Variants in UNC13C observed in about 807,000 individuals in gnomAD.
UNC13C encodes the protein unc-13 homolog C.
Under a neutral mutation model 245.4 loss-of-function variants are expected in UNC13C, and 174 were observed. The observed-to-expected ratio is 0.71, with a 90% CI of 0.63 to 0.80. The LOEUF (loss-of-function observed/expected upper bound fraction) is 0.80. Ranked by LOEUF, UNC13C falls within the 30% of genes least tolerant of loss-of-function variation. The pLI is 0.00. For synonymous variants in UNC13C, 992 were observed against 895.1 expected (o/e 1.11, Z -1.93); for missense variants, 2,829 against 2,602.9 (o/e 1.09, Z -1.89).
At chr15:54,334,207 G>A (rs1016222117) in intron 16 of UNC13C, among the ~76,000 whole-genome samples, 2 of 152,010 alleles carry the variant, frequency 1.3e-5, no homozygotes, top group South Asian at 2.1e-4. Context: ...ATGTTTTGCC[G>A]ACTTTTTTGC....
At chr15:53,983,898 A>G (rs557406681) in intron 1 of UNC13C, among the ~76,000 whole-genome samples, 2 of 151,896 alleles carry the variant, frequency 1.3e-5, no homozygotes, top group South Asian at 4.2e-4. Context: ...ATCCTTTCTC[A>G]TGGTTCATAT....
chr15:53,904,751 T>A, the UNC13C span, among the ~76,000 whole-genome samples: 1 of 152,302 alleles, frequency 6.6e-6, no homozygotes, highest in African/African-American at 2.4e-5. Context: ...GGCATGAGCA[T>A]ACATTTTGGA....
chr15:54,215,587 A>G (rs62010023), intron 4 of UNC13C, among the ~76,000 whole-genome samples: 35,995 of 151,978 alleles, frequency 0.24, 4,882 homozygotes, highest in East Asian at 0.39. Flanking sequence ...ACAAGAAAAG[A>G]GAAAGTAATT....
At chr15:54,434,116 A>G (rs1246394997) in intron 19 of UNC13C, among the ~76,000 whole-genome samples, 1 of 152,184 alleles carries the variant, frequency 6.6e-6, no homozygotes, top group East Asian at 1.9e-4. Flanking sequence ...TTTCATGCTC[A>G]TGGATACAAA....
chr15:54,406,287 A>T (rs1381796527), intron 18 of UNC13C, among the ~76,000 whole-genome samples: 1 of 152,170 alleles, frequency 6.6e-6, no homozygotes, highest in Non-Finnish European at 1.5e-5. Context: ...ATTCCTTTTG[A>T]CATCCCTGTC....
At chr15:53,973,751 C>A (rs923895711), upstream of UNC13C, among the ~76,000 whole-genome samples, 3 of 152,036 alleles carry the variant, frequency 2.0e-5, no homozygotes, top group Non-Finnish European at 4.4e-5. Context: ...AAAAAATGAA[C>A]AACAGAATGA....
At chr15:54,068,651 T>C (rs996455469) in intron 2 of UNC13C, among the ~76,000 whole-genome samples, 9 of 152,192 alleles carry the variant, frequency 5.9e-5, no homozygotes, top group African/African-American at 2.2e-4. Flanking sequence ...ATTATAAGTA[T>C]ATAACTGGCT....
intron 2 of UNC13C, among the ~76,000 whole-genome samples, chr15:54,086,179 C>T (rs181245939): frequency 6.4e-4 from 97 of 152,266 alleles, no homozygotes; most frequent in African/African-American, 2.3e-3. Flanking sequence ...GTCTATCTAG[C>T]TGTAACAGTG....
the UNC13C span, chr15:53,948,244 G>C: frequency 6.6e-6 from 1 of 152,046 alleles, no homozygotes; most frequent in African/African-American, 2.4e-5. Context: ...GTTATTTTTT[G>C]AAAGTGGTTC....
chr15:54,513,549 G>T (rs1894845006), intron 24 of UNC13C, among the ~76,000 whole-genome samples: 1 of 152,088 alleles, frequency 6.6e-6, no homozygotes. Context: ...TAGAATTGCT[G>T]GTTTGAAATA....
chr15:54,475,496 C>G (rs907387790), intron 19 of UNC13C, among the ~76,000 whole-genome samples: 9 of 151,584 alleles, frequency 5.9e-5, no homozygotes, highest in African/African-American at 2.2e-4. Context: ...TGTGATGTTC[C>G]CCTTCCTGTG....
At chr15:54,438,133 G>T (rs1890320111) in intron 19 of UNC13C, among the ~76,000 whole-genome samples, 1 of 151,726 alleles carries the variant, frequency 6.6e-6, no homozygotes, top group African/African-American at 2.4e-5. Flanking sequence ...AGAAAAAAAA[G>T]GACACATGTC....
chr15:54,599,437 T>G (rs918166410), intron 30 of UNC13C, among the ~76,000 whole-genome samples: 3 of 152,078 alleles, frequency 2.0e-5, no homozygotes, highest in Non-Finnish European at 4.4e-5. Context: ...AATCTCTATT[T>G]CTTCAGTATC....
chr15:54,463,076 C>G (rs1199206703), intron 19 of UNC13C, among the ~76,000 whole-genome samples: 1 of 151,576 alleles, frequency 6.6e-6, no homozygotes, highest in Non-Finnish European at 1.5e-5. Context: ...CTGTGTCTAG[C>G]TAATCTAGTG....
chr15:54,469,867 A>G (rs532897236), intron 19 of UNC13C, among the ~76,000 whole-genome samples: 1 of 151,662 alleles, frequency 6.6e-6, no homozygotes, highest in South Asian at 2.1e-4. Flanking sequence ...ACTTTTTGCC[A>G]TTCAGTATGA....
At chr15:54,334,387 G>T (rs2038519275) in intron 16 of UNC13C, among the ~76,000 whole-genome samples, 1 of 152,036 alleles carries the variant, frequency 6.6e-6, no homozygotes, top group South Asian at 2.1e-4. Context: ...TGCTTTAATT[G>T]CGAGTTTTCG....
At chr15:54,415,101 TGTTAGA>T in intron 19 of UNC13C, 34 bp downstream of exon 19, 1 of 1,463,290 alleles carries the variant, frequency 6.8e-7, no homozygotes, top group Non-Finnish European at 9.5e-7. Flanking sequence ...TTCGAATACA[TGTTAGA>T]GTTAAATGGT....
At chr15:54,153,019 A>G (rs1317329774) in intron 4 of UNC13C, among the ~76,000 whole-genome samples, 1 of 152,212 alleles carries the variant, frequency 6.6e-6, no homozygotes, top group Non-Finnish European at 1.5e-5. Flanking sequence ...CAGAGAGAAC[A>G]ATAAAATAAT....
chr15:54,351,222 A>G (rs532926573), intron 17 of UNC13C, among the ~76,000 whole-genome samples: 182 of 152,270 alleles, frequency 1.2e-3, no homozygotes, highest in African/African-American at 4.2e-3. Flanking sequence ...GTTCTTGGCT[A>G]CTTCAGAAAA....
Sources: allele counts gnomAD v4.1 joint callset (sites outside exome capture counted in the v4.1 genomes callset), GRCh38; gene constraint gnomAD v4.1.1; transcripts MANE v1.5; gene names NCBI Gene and HGNC (gene_info 2026-07-23, HGNC 2026-07-21).